CFAP54: variants seen among roughly 807,000 people sequenced by gnomAD.
The protein encoded by CFAP54 is cilia- and flagella-associated protein 54.
In CFAP54, 290 loss-of-function variants were observed where a neutral mutation model predicts 370.4. That is an observed-to-expected ratio of 0.78 (90% CI 0.71 to 0.86). CFAP54 has a LOEUF of 0.86. Among genes scored for constraint, CFAP54 ranks in the 40% least tolerant of loss-of-function variants. The pLI is 0.00. For missense variants in CFAP54, 3,399 were observed against 3,528.7 expected (o/e 0.96, Z 0.93); for synonymous variants, 1,206 against 1,236.5 (o/e 0.98, Z 0.52).
chr12:96,699,611 C>T (rs997418950), intron 45 of CFAP54, among the ~76,000 whole-genome samples: 1 of 151,864 alleles, frequency 6.6e-6, no homozygotes, highest in Non-Finnish European at 1.5e-5. Flanking sequence ...TTTTGTTTTT[C>T]TTTTGAGCTA....
chr12:96,551,227 C>T (rs1592846770), intron 15 of CFAP54, among the ~76,000 whole-genome samples: 1 of 152,222 alleles, frequency 6.6e-6, no homozygotes, highest in Non-Finnish European at 1.5e-5. Context: ...CACTGTACTC[C>T]ATTCTAGGCT....
chr12:96,825,265 A>G (rs1415508567), intron 65 of CFAP54, among the ~76,000 whole-genome samples: 1 of 105,546 alleles, frequency 9.5e-6, no homozygotes, highest in Non-Finnish European at 1.8e-5. Flanking sequence ...TATTATATAT[A>G]ATATAACATG....
intron 1 of CFAP54, among the ~76,000 whole-genome samples, chr12:96,495,326 G>C (rs926132252): frequency 7.7e-5 from 10 of 129,680 alleles, no homozygotes; most frequent in African/African-American, 3.0e-4. Flanking sequence ...TTTCTTTTTT[G>C]AGACAGTGTC....
At chr12:96,870,675 TTTTGG>T (rs1224686145) in intron 67 of CFAP54, among the ~76,000 whole-genome samples, 1 of 152,194 alleles carries the variant, frequency 6.6e-6, no homozygotes, top group African/African-American at 2.4e-5. Flanking sequence ...TATTGTTTTG[TTTTGG>T]TTTGGTTTGG....
chr12:96,522,652 T>C (rs765192972), intron 8 of CFAP54, among the ~76,000 whole-genome samples: 3 of 152,238 alleles, frequency 2.0e-5, no homozygotes, highest in Non-Finnish European at 4.4e-5. Context: ...ACAACACCCG[T>C]ACCTCAGGTG....
At chr12:96,687,507 T>G (rs1957342024) in intron 42 of CFAP54, among the ~76,000 whole-genome samples, 1 of 152,226 alleles carries the variant, frequency 6.6e-6, no homozygotes, top group Non-Finnish European at 1.5e-5. Flanking sequence ...CAGTTACCTC[T>G]TTAGCTTACC....
At chr12:96,826,668 A>AT (rs1959111266) in intron 65 of CFAP54, among the ~76,000 whole-genome samples, 1 of 106,072 alleles carries the variant, frequency 9.4e-6, no homozygotes, top group African/African-American at 3.8e-5. Flanking sequence ...TTATATATAA[A>AT]TATATAATAT....
chr12:96,729,569 G>A (rs1401187224), intron 50 of CFAP54, among the ~76,000 whole-genome samples: 3 of 152,160 alleles, frequency 2.0e-5, no homozygotes, highest in South Asian at 2.1e-4. Flanking sequence ...GGAGTGACCC[G>A]ATTTTCCAGG....
chr12:96,543,316 C>T (rs1382091692), intron 14 of CFAP54, among the ~76,000 whole-genome samples: 1 of 152,042 alleles, frequency 6.6e-6, no homozygotes, highest in African/African-American at 2.4e-5. Context: ...GAAAGGAAGC[C>T]CCATGTAATG....
At chr12:96,815,845 CAGGTTTGTTG>C (rs1958969261) in intron 64 of CFAP54, among the ~76,000 whole-genome samples, 1 of 152,096 alleles carries the variant, frequency 6.6e-6, no homozygotes, top group Non-Finnish European at 1.5e-5. Context: ...TTGTTTTTGT[CAGGTTTGTTG>C]AAGATCAAAT....
At chr12:96,874,863 C>T (rs188232919) in intron 67 of CFAP54, among the ~76,000 whole-genome samples, 1,668 of 151,726 alleles carry the variant, frequency 0.011, 64 homozygotes, top group East Asian at 0.1. Flanking sequence ...GTGATCCGCC[C>T]GCCTCGGCCT....
At chr12:96,785,215 A>G (rs2136694127) in intron 61 of CFAP54, among the ~76,000 whole-genome samples, 1 of 152,360 alleles carries the variant, frequency 6.6e-6, no homozygotes, top group Non-Finnish European at 1.5e-5. Context: ...GAAATGAACA[A>G]GATGACATTT....
intron 4 of CFAP54, 33 bp from the exon 5 acceptor site, chr12:96,512,953 T>G (rs1361870951): frequency 1.4e-6 from 2 of 1,392,316 alleles, no homozygotes; most frequent in Non-Finnish European, 9.6e-7. Flanking sequence ...CATTTGACTG[T>G]AAAACATGTT....
At chr12:96,535,008 C>CTCTG (rs1955486365) in intron 11 of CFAP54, among the ~76,000 whole-genome samples, 1 of 137,338 alleles carries the variant, frequency 7.3e-6, no homozygotes, top group Non-Finnish European at 1.6e-5. Flanking sequence ...GTTTTCTTTT[C>CTCTG]TGTGTGTGTG....
intron 38 of CFAP54, among the ~76,000 whole-genome samples, chr12:96,662,992 C>T (rs1310118772): frequency 1.3e-5 from 2 of 152,114 alleles, no homozygotes; most frequent in African/African-American, 4.8e-5. Context: ...TAAGATGTTT[C>T]ACAAGAGTGA....
chr12:96,553,564 A>G (rs972698604), intron 15 of CFAP54, among the ~76,000 whole-genome samples: 2 of 143,308 alleles, frequency 1.4e-5, no homozygotes, highest in African/African-American at 5.4e-5. Flanking sequence ...ATAGTAATAT[A>G]TATAGTTATA....
chr12:96,827,068 A>G (rs202201306), intron 65 of CFAP54, among the ~76,000 whole-genome samples: 140 of 113,320 alleles, frequency 1.2e-3, no homozygotes, highest in East Asian at 5.3e-3. Flanking sequence ...TATATATAAT[A>G]TGCAATTATA....
At chr12:96,500,774 AAATT>A in intron 1 of CFAP54, 56 bp from the exon 2 acceptor site, 1 of 1,225,556 alleles carries the variant, frequency 8.2e-7, no homozygotes, top group Non-Finnish European at 1.1e-6. Context: ...GATTGCTTGC[AAATT>A]AATTGGGGTT....
intron 56 of CFAP54, among the ~76,000 whole-genome samples, chr12:96,755,997 G>A (rs1252759349): frequency 6.6e-6 from 1 of 152,090 alleles, no homozygotes; most frequent in Non-Finnish European, 1.5e-5. Flanking sequence ...TGCACCTGTC[G>A]AAGGGTACTT....
Sources: gnomAD v4.1 joint callset for allele counts (sites outside exome capture counted in the v4.1 genomes callset) on GRCh38, gnomAD v4.1.1 for gene constraint, MANE v1.5 for transcripts, NCBI Gene and HGNC (gene_info 2026-07-23, HGNC 2026-07-21) for gene names.